The following SLC2A13 variants were observed in gnomAD, a reference collection of about 807,000 sequenced individuals.
The protein encoded by SLC2A13 is solute carrier family 2 member 13.
Under a neutral mutation model 64.4 loss-of-function variants are expected in SLC2A13, and 32 were observed. That is an observed-to-expected ratio of 0.50 (90% confidence interval 0.37 to 0.67). The LOEUF (loss-of-function observed/expected upper bound fraction) is 0.67. Among genes scored for constraint, SLC2A13 ranks in the 30% least tolerant of loss-of-function variants. The pLI, the probability that SLC2A13 is intolerant of heterozygous loss-of-function variation, is 0.00. For synonymous variants in SLC2A13, 338 were observed against 327.1 expected, an observed-to-expected ratio of 1.03 and a Z score of -0.36; for missense variants, 743 against 829.2, an observed-to-expected ratio of 0.90 and a Z score of 1.28.
intron 3 of SLC2A13, among the ~76,000 whole-genome samples, chr12:40,013,800 C>T (rs1261790579): frequency 1.3e-5 from 2 of 152,216 alleles, no homozygotes; most frequent in Non-Finnish European, 2.9e-5. Context: ...ATCCCATTCA[C>T]TTCTCACCAG....
chr12:39,827,532 T>C (rs1592177078), intron 7 of SLC2A13, among the ~76,000 whole-genome samples: 2 of 152,170 alleles, frequency 1.3e-5, no homozygotes, highest in African/African-American at 4.8e-5. Context: ...ACTTACACTC[T>C]TTTGTGACGC....
At chr12:40,048,514 A>C (rs1377397359) in intron 1 of SLC2A13, among the ~76,000 whole-genome samples, 1 of 151,922 alleles carries the variant, frequency 6.6e-6, no homozygotes, top group Non-Finnish European at 1.5e-5. Flanking sequence ...TTGAGGACTA[A>C]AAATAGCAAA....
rs1412885264 is a variant in SLC2A13 at position 39,951,242 on chromosome 12, G to C, written c.1034+15C>G. On this transcript the variant is annotated intron_variant, in intron 4 of 9. Coordinates refer to ENST00000280871, the MANE Select transcript of SLC2A13 (RefSeq NM_052885.4). ...TCACAATCTTTTCAGTAAAAAGCCA[G>C]AAAGAAATACATACATGATGGTGTT... The C allele has an allele frequency of 6.2e-7, 1 of 1,604,492 alleles. No individual in the cohort carries two copies.
intron 7 of SLC2A13, among the ~76,000 whole-genome samples, chr12:39,766,445 G>C (rs1322881610): frequency 6.6e-6 from 1 of 152,042 alleles, no homozygotes; most frequent in Non-Finnish European, 1.5e-5. Flanking sequence ...CCTTTCACAA[G>C]TCATCATCTT....
At chr12:39,981,596 G>T (rs1282099802) in intron 3 of SLC2A13, among the ~76,000 whole-genome samples, 2 of 150,696 alleles carry the variant, frequency 1.3e-5, no homozygotes, top group Admixed American at 6.6e-5. Context: ...TACATTCCTC[G>T]ACACATACAC....
chr12:39,948,463 T>C lies in SLC2A13; in HGVS notation c.1034+2794A>G, dbSNP rs184106635. ...CAGAATAGTAAATAGGTCAAGGGAA[T>C]AGGAATAAAGGATTCTTTGAGGGAG... On this transcript the variant is annotated intron_variant, in intron 4 of 9. Transcript: ENST00000280871. 2.9e-3 allele frequency among the ~76,000 whole-genome samples: 442 copies of C among 152,222 alleles called. 4 individuals carry two copies. The highest frequency in any genetic ancestry group is 9.9e-3 in the African/African-American group (411 of 41,574).
At chr12:39,998,198 C>T (rs1335670392) in intron 3 of SLC2A13, among the ~76,000 whole-genome samples, 1 of 152,034 alleles carries the variant, frequency 6.6e-6, no homozygotes, top group South Asian at 2.1e-4. Flanking sequence ...TACTACTCAG[C>T]CATAAAAAGG....
chr12:39,986,689 T>C (rs1202349338), intron 3 of SLC2A13, among the ~76,000 whole-genome samples: 2 of 147,830 alleles, frequency 1.4e-5, no homozygotes, highest in East Asian at 1.9e-4. Flanking sequence ...TTTAAATGTA[T>C]CTTAGCAGAC....
At position 40,048,226 on chromosome 12, in the gene SLC2A13, A is replaced by T. The variant is rs1948199710; in HGVS notation, c.557-16T>A. On this transcript the variant is annotated splice_polypyrimidine_tract_variant and intron_variant, in intron 1 of 9. Transcript: ENST00000280871. ...GAAGCAATGCCTATAAAAACAATGA[A>T]AAGTAAATGTGAGACATTTACTCAA... 6.3e-7 allele frequency: 1 copy of T among 1,585,854 alleles called. No homozygotes were observed. Among genetic ancestry groups the T allele is most frequent in the Admixed American group, 1.9e-5 (1 of 52,180 alleles).
intron 5 of SLC2A13, among the ~76,000 whole-genome samples, chr12:39,867,701 G>A (rs1257717143): frequency 6.6e-6 from 1 of 152,052 alleles, no homozygotes; most frequent in African/African-American, 2.4e-5. Context: ...GGCCCATTTT[G>A]GAGGAAAATA....
intron 3 of SLC2A13, among the ~76,000 whole-genome samples, chr12:40,012,841 T>A (rs1046081573): frequency 2.6e-5 from 4 of 152,142 alleles, no homozygotes; most frequent in African/African-American, 9.7e-5. Context: ...GAAAGGAAAG[T>A]GACACAGGAA....
chr12:39,811,808 C>T (rs1454643759), intron 7 of SLC2A13, among the ~76,000 whole-genome samples: 1 of 152,096 alleles, frequency 6.6e-6, no homozygotes, highest in Non-Finnish European at 1.5e-5. Context: ...AGTGTTAGTA[C>T]AGTATGTCTG....
intron 9 of SLC2A13, 54 bp from the exon 10 acceptor site, chr12:39,760,306 G>A: frequency 1.3e-6 from 2 of 1,495,028 alleles, no homozygotes; most frequent in Non-Finnish European, 9.1e-7. Context: ...AGAGGCTTAA[G>A]TTGGAAAGAT....
intron 6 of SLC2A13, among the ~76,000 whole-genome samples, chr12:39,847,793 T>C (rs1283287456): frequency 6.6e-6 from 1 of 152,176 alleles, no homozygotes; most frequent in Non-Finnish European, 1.5e-5. Context: ...GTGGTACAAG[T>C]ATTTTTTTCA....
chr12:40,010,444 CT>C (rs954385000), intron 3 of SLC2A13, among the ~76,000 whole-genome samples: 4 of 150,880 alleles, frequency 2.7e-5, no homozygotes, highest in African/African-American at 4.9e-5. Flanking sequence ...GTAGGTAAGG[CT>C]TTTTTTTTCT....
chr12:39,947,105 T>C (rs1246129910), intron 4 of SLC2A13, among the ~76,000 whole-genome samples: 1 of 152,164 alleles, frequency 6.6e-6, no homozygotes, highest in Non-Finnish European at 1.5e-5. Context: ...ACTCAGCTTC[T>C]ATTACTCTGA....
At chr12:40,092,100 T>C (rs769912635) in intron 1 of SLC2A13, among the ~76,000 whole-genome samples, 4 of 152,106 alleles carry the variant, frequency 2.6e-5, no homozygotes, top group African/African-American at 4.8e-5. Flanking sequence ...AGAGGTGTCA[T>C]AGAGAGAGGT....
intron 7 of SLC2A13, among the ~76,000 whole-genome samples, chr12:39,770,052 ATC>A (rs1256774692): frequency 1.3e-5 from 2 of 151,942 alleles, no homozygotes; most frequent in African/African-American, 2.4e-5. Context: ...TTATATCTGT[ATC>A]TCCATTTTAG....
chr12:39,951,277 G>C lies in SLC2A13; in HGVS notation c.1014C>G (p.Leu338=). 6.2e-7 allele frequency: 1 copy of C among 1,613,412 alleles called. No homozygotes were observed. Among genetic ancestry groups the C allele is most frequent in the Middle Eastern group, 1.7e-4 (1 of 6,056 alleles). The change falls in exon 4 of 10, where the codon CTC becomes CTG. Residue 338 remains leucine (L), a synonymous_variant. Transcript: ENST00000280871. The stretch of plus-strand genomic sequence containing the variant: ...CATACATGATGGTGTTAATGCCTGA[G>C]AGCTGCTGGAACATTTGTAGGCCAC... ...VGCGLQMFQQ[L]SGINTIMYYS...
Sources: gnomAD v4.1 joint callset for allele counts (sites outside exome capture counted in the v4.1 genomes callset) on GRCh38, gnomAD v4.1.1 for gene constraint, MANE v1.5 for transcripts, NCBI Gene and HGNC (gene_info 2026-07-23, HGNC 2026-07-21) for gene names.